AGO2: variants seen among roughly 807,000 people sequenced by gnomAD.
AGO2 encodes protein argonaute-2.
Under a neutral mutation model 102.3 loss-of-function variants are expected in AGO2, and 5 were observed. The observed-to-expected ratio is 0.05, with a 90% CI of 0.03 to 0.10. AGO2 has a LOEUF of 0.10. Ranked by LOEUF, AGO2 falls within the 10% of genes least tolerant of loss-of-function variation. The pLI is 1.00. For missense variants in AGO2, 541 were observed against 1,183.7 expected, an observed-to-expected ratio of 0.46 and a Z score of 7.97; for synonymous variants, 449 against 473.1, an observed-to-expected ratio of 0.95 and a Z score of 0.66.
At chr8:140,617,076 C>G (rs2074150642) in intron 1 of AGO2, among the ~76,000 whole-genome samples, 1 of 152,150 alleles carries the variant, frequency 6.6e-6, no homozygotes, top group African/African-American at 2.4e-5. Flanking sequence ...GAGAGTGGAC[C>G]CCCCTCATCC....
intron 3 of AGO2, among the ~76,000 whole-genome samples, chr8:140,569,518 C>G (rs1222362972): frequency 2.0e-5 from 3 of 152,194 alleles, no homozygotes. Context: ...CTCCTTCTGG[C>G]CACCTTCCTA....
In AGO2 at chr8:140,523,217, T is replaced by C. The variant is rs1338959647; in HGVS notation, c.*8827A>G. The stretch of plus-strand genomic sequence containing the variant: ...CACAGACAATACATAGAGTACCACC[T>C]GAAACGAGGCCCTTGGAGCTGCTCA... On this transcript the variant is annotated 3_prime_UTR_variant, in exon 19 of 19. Coordinates refer to ENST00000220592, the MANE Select transcript of AGO2 (RefSeq NM_012154.5). The C allele has an allele frequency of 2.6e-5, 4 of 152,176 alleles. No homozygotes were observed. The highest frequency in any genetic ancestry group is 4.4e-5 in the Non-Finnish European group (3 of 68,040). 9.4% of individuals were successfully genotyped at this position (152,176 alleles called of 1,614,324 possible).
rs563578742 is a variant in AGO2, at chr8:140,629,694, C to T, written c.22+5791G>A. On this transcript the variant is annotated intron_variant, in intron 1 of 18. Coordinates refer to ENST00000220592, the MANE Select transcript of AGO2 (RefSeq NM_012154.5). ...GTCTCTCCACAAACTTAGCTAGGCA[C>T]GGTGGTCCACAGCTGCAGTCTACCT... Among the ~76,000 whole-genome samples the T allele has an allele frequency of 7.0e-4, 106 of 151,838 alleles. 1 individual carries two copies. The highest frequency in any genetic ancestry group is 2.9e-3 in the Admixed American group (44 of 15,252).
Position 140,595,894 on chromosome 8 carries a change from T to C in AGO2, c.23-10583A>G, listed in dbSNP as rs1424565652. ...GTATATTATATAATATATAATTATA[T>C]ATATTATGTATTATATAATATATAT... On this transcript the variant is annotated intron_variant, in intron 1 of 18. Transcript: ENST00000220592. 1.0e-3 allele frequency among the ~76,000 whole-genome samples: 124 copies of C among 121,526 alleles called. 4 individuals carry two copies. The highest frequency in any genetic ancestry group is 3.1e-4 in the Non-Finnish European group (19 of 61,578). 79.7% of individuals were successfully genotyped at this position (121,526 alleles called of 152,430 possible).
intron 1 of AGO2, among the ~76,000 whole-genome samples, chr8:140,601,483 C>A (rs2073933219): frequency 1.3e-5 from 2 of 152,236 alleles, no homozygotes; most frequent in Admixed American, 1.3e-4. Flanking sequence ...CCTGGTCTAC[C>A]CCAGGGCTTA....
At chr8:140,554,873 G>A (rs2073068289) in intron 10 of AGO2, among the ~76,000 whole-genome samples, 3 of 151,904 alleles carry the variant, frequency 2.0e-5, no homozygotes, top group South Asian at 2.1e-4. Flanking sequence ...TGTATTTTTA[G>A]TAGAGACAGG....
In AGO2 at chr8:140,576,633, C is replaced by T. The variant is rs74861140; in HGVS notation, c.216-3701G>A. 1.2e-3 allele frequency among the ~76,000 whole-genome samples: 185 copies of T among 152,254 alleles called. 5 individuals are homozygous for T. In the East Asian group the frequency reaches 0.026, roughly 21 times the overall value. On this transcript the variant is annotated intron_variant, in intron 2 of 18. Coordinates refer to ENST00000220592, the MANE Select transcript of AGO2 (RefSeq NM_012154.5). ...TAACAATACCAAGAGCTGGTGAAGG[C>T]GGAGGGAAATGCTCTCTTCTACGAG... is the stretch of plus-strand genomic sequence containing the variant.
chr8:140,594,586 G>A (rs2073794761), intron 1 of AGO2, among the ~76,000 whole-genome samples: 1 of 151,712 alleles, frequency 6.6e-6, no homozygotes, highest in African/African-American at 2.4e-5. Context: ...CCACAAGTTC[G>A]AGACTAGCCT....
At chr8:140,560,664 C>CTG (rs1389235143) in intron 4 of AGO2, among the ~76,000 whole-genome samples, 154 bp from the exon 5 acceptor site, 1 of 152,238 alleles carries the variant, frequency 6.6e-6, no homozygotes, top group Non-Finnish European at 1.5e-5. Flanking sequence ...GCACTCCAGC[C>CTG]TGTGTGCATG....
intron 2 of AGO2, among the ~76,000 whole-genome samples, chr8:140,579,754 A>G (rs940449169): frequency 6.6e-6 from 1 of 151,868 alleles, no homozygotes; most frequent in African/African-American, 2.4e-5. Flanking sequence ...AGGGTACACG[A>G]TGTTTCTGCT....
At chr8:140,600,900 C>A (rs1336673753) in intron 1 of AGO2, among the ~76,000 whole-genome samples, 1 of 151,984 alleles carries the variant, frequency 6.6e-6, no homozygotes, top group East Asian at 1.9e-4. Context: ...CCACTGCACA[C>A]CAGCCTGGGC....
chr8:140,533,150 G>A (rs1035702752), intron 17 of AGO2, among the ~76,000 whole-genome samples: 7 of 152,032 alleles, frequency 4.6e-5, no homozygotes, highest in African/African-American at 1.5e-4. Context: ...AGCACTTTGG[G>A]AGGCCGAGGC....
intron 17 of AGO2, among the ~76,000 whole-genome samples, chr8:140,534,360 G>C (rs3889329): frequency 0.28 from 43,063 of 152,186 alleles, 6,270 homozygotes; most frequent in Middle Eastern, 0.33. Flanking sequence ...GAGGCTCCCC[G>C]ACTAGAAGGG....
At chr8:140,546,044 C>G (rs12542354) in intron 13 of AGO2, among the ~76,000 whole-genome samples, 1 of 152,198 alleles carries the variant, frequency 6.6e-6, no homozygotes, top group Non-Finnish European at 1.5e-5. Context: ...ACTTCCGGCC[C>G]GGTGCTGCCC....
chr8:140,610,408 G>C (rs949859026), intron 1 of AGO2, among the ~76,000 whole-genome samples: 1 of 152,074 alleles, frequency 6.6e-6, no homozygotes, highest in Admixed American at 6.5e-5. Context: ...CAGTAGAGAT[G>C]GGGTTTCACC....
At chr8:140,596,974 G>A (rs1012881997) in intron 1 of AGO2, among the ~76,000 whole-genome samples, 2 of 152,216 alleles carry the variant, frequency 1.3e-5, no homozygotes, top group African/African-American at 4.8e-5. Flanking sequence ...GTGCAGACAG[G>A]CACCCTGGCC....
chr8:140,581,266 G>A (rs1472370884), intron 2 of AGO2, among the ~76,000 whole-genome samples: 1 of 152,252 alleles, frequency 6.6e-6, no homozygotes, highest in Non-Finnish European at 1.5e-5. Flanking sequence ...TGTAATTCTA[G>A]CACTTTGAGA....
intron 1 of AGO2, among the ~76,000 whole-genome samples, chr8:140,605,180 C>T (rs892819675): frequency 3.9e-5 from 6 of 152,078 alleles, no homozygotes; most frequent in South Asian, 2.1e-4. Flanking sequence ...CTGCAACTTC[C>T]GCCTCCCGGG....
intron 2 of AGO2, among the ~76,000 whole-genome samples, chr8:140,577,057 A>T (rs1453401390): frequency 6.6e-6 from 1 of 151,866 alleles, no homozygotes; most frequent in African/African-American, 2.4e-5. Context: ...AAATACAAAA[A>T]ATTAGCTGGA....
Sources: gnomAD v4.1 joint callset for allele counts (sites outside exome capture counted in the v4.1 genomes callset) on GRCh38, gnomAD v4.1.1 for gene constraint, MANE v1.5 for transcripts, NCBI Gene and HGNC (gene_info 2026-07-23, HGNC 2026-07-21) for gene names.